The following CADM1 variants were observed in gnomAD, a reference collection of about 807,000 sequenced individuals.
CADM1 encodes the protein cell adhesion molecule 1, also known as TSLC-1.
CADM1 carries 15 observed loss-of-function variants against 53.1 expected under a neutral mutation model. The observed-to-expected ratio is 0.28, with a 90% CI of 0.19 to 0.44. The LOEUF (loss-of-function observed/expected upper bound fraction) is 0.44. Among genes scored for constraint, CADM1 ranks in the 20% least tolerant of loss-of-function variants. The pLI is 1.00. For missense variants in CADM1, 434 were observed against 611.3 expected, an observed-to-expected ratio of 0.71 and a Z score of 3.06; for synonymous variants, 281 against 243.0, an observed-to-expected ratio of 1.16 and a Z score of -1.45.
intron 9 of CADM1, among the ~76,000 whole-genome samples, chr11:115,195,891 A>AT (rs1363727048): frequency 6.6e-6 from 1 of 152,194 alleles, no homozygotes; most frequent in Non-Finnish European, 1.5e-5. Context: ...TGCTACGAGG[A>AT]TTTTGGACAA....
intron 1 of CADM1, chr11:115,241,009 C>T (rs949547039): frequency 1.3e-5 from 2 of 154,132 alleles, no homozygotes; most frequent in Non-Finnish European, 2.9e-5. Context: ...TTACTCTGCT[C>T]TCCGAAACTC....
chr11:115,371,734 G>A (rs1381243591), intron 1 of CADM1, among the ~76,000 whole-genome samples: 3 of 150,492 alleles, frequency 2.0e-5, no homozygotes, highest in Admixed American at 6.6e-5. Flanking sequence ...TGCCTCCCGA[G>A]TTCACGTCAT....
intron 1 of CADM1, among the ~76,000 whole-genome samples, chr11:115,381,549 A>T (rs1169380574): frequency 6.6e-6 from 1 of 152,166 alleles, no homozygotes; most frequent in Non-Finnish European, 1.5e-5. Context: ...ATTTTTACTG[A>T]ACTATTTGAC....
At chr11:115,260,399 G>A (rs912522117) in intron 1 of CADM1, among the ~76,000 whole-genome samples, 2 of 152,230 alleles carry the variant, frequency 1.3e-5, no homozygotes, top group Non-Finnish European at 2.9e-5. Context: ...TTGGTTGTAC[G>A]CTGGATGTAA....
At chr11:115,203,568 A>G (rs1479255875) in intron 8 of CADM1, among the ~76,000 whole-genome samples, 1 of 152,202 alleles carries the variant, frequency 6.6e-6, no homozygotes, top group East Asian at 1.9e-4. Context: ...GGAAACCTGT[A>G]TTCACAGTAT....
intron 1 of CADM1, among the ~76,000 whole-genome samples, chr11:115,326,302 G>A (rs1203143245): frequency 1.3e-5 from 2 of 151,934 alleles, no homozygotes. Flanking sequence ...CCAACCCAAG[G>A]TATTTATATA....
chr11:115,213,817 C>T (rs561802583), intron 7 of CADM1, among the ~76,000 whole-genome samples: 1 of 152,132 alleles, frequency 6.6e-6, no homozygotes, highest in Admixed American at 6.6e-5. Context: ...CAGTTCATGG[C>T]TATTTTTTGG....
At chr11:115,351,785 G>C (rs549115286) in intron 1 of CADM1, among the ~76,000 whole-genome samples, 1 of 152,164 alleles carries the variant, frequency 6.6e-6, no homozygotes, top group African/African-American at 2.4e-5. Flanking sequence ...CTAGGGCATA[G>C]GAGCCCCTCT....
chr11:115,389,901 G>A (rs1165474976), intron 1 of CADM1, among the ~76,000 whole-genome samples: 8 of 152,170 alleles, frequency 5.3e-5, no homozygotes, highest in African/African-American at 1.4e-4. Context: ...CACCTGTTAT[G>A]TAAGTAAATT....
intron 5 of CADM1, among the ~76,000 whole-genome samples, chr11:115,223,085 G>A (rs889725655): frequency 1.3e-5 from 2 of 152,170 alleles, no homozygotes; most frequent in Admixed American, 6.6e-5. Context: ...AAGTGAATGA[G>A]AAAGTGAAGA....
intron 1 of CADM1, among the ~76,000 whole-genome samples, chr11:115,325,729 T>C (rs550646600): frequency 3.3e-5 from 5 of 152,270 alleles, no homozygotes; most frequent in South Asian, 4.2e-4. Flanking sequence ...CCAGGCTCAC[T>C]GGAGTCTAAA....
chr11:115,351,230 T>A (rs1945728387), intron 1 of CADM1, among the ~76,000 whole-genome samples: 1 of 152,228 alleles, frequency 6.6e-6, no homozygotes, highest in Non-Finnish European at 1.5e-5. Flanking sequence ...TCCTGCCACC[T>A]TGTCTGGTCT....
At position 115,391,662 on chromosome 11, in the gene CADM1, G is replaced by C. The variant is rs528893193; in HGVS notation, c.124+112609C>G. Among the ~76,000 whole-genome samples the C allele has an allele frequency of 4.3e-3, 659 of 152,258 alleles. 4 individuals carry two copies. The highest frequency in any genetic ancestry group is 0.015 in the African/African-American group (622 of 41,558). On this transcript the variant is annotated intron_variant, in intron 1 of 11. Coordinates refer to ENST00000331581, the MANE Select transcript of CADM1 (RefSeq NM_001301043.2). ...AAACAAAACAACACTAGCACTTACT[G>C]CAAGACAGATTATTTCTCACCAGGT...
At chr11:115,279,467 G>A (rs1315982949) in intron 1 of CADM1, among the ~76,000 whole-genome samples, 1 of 152,084 alleles carries the variant, frequency 6.6e-6, no homozygotes, top group African/African-American at 2.4e-5. Context: ...TGCTATAATT[G>A]CTTTTCTTTT....
Position 115,284,114 on chromosome 11 carries a change from CTGTGTGTGTGTGTG to C in CADM1, c.125-43708_125-43695del, listed in dbSNP as rs751286330. Among the ~76,000 whole-genome samples, 109 of 98,680 alleles carry C rather than the reference CTGTGTGTGTGTGTG, an allele frequency of 1.1e-3. 1 individual carries two copies. The East Asian group carries it at 0.015, about 14-fold the overall frequency. 64.7% of individuals were successfully genotyped at this position (98,680 alleles called of 152,430 possible). ...TCTCTCTCTCTCTCTCTCTCTCTCT[CTGTGTGTGTGTGTG>C]TGTGTGTGTGTGTGTGTGTGTGTGT... On this transcript the variant is annotated intron_variant, in intron 1 of 11. Transcript: ENST00000331581.
chr11:115,472,923 T>C (rs1233676797), intron 1 of CADM1, among the ~76,000 whole-genome samples: 1 of 152,208 alleles, frequency 6.6e-6, no homozygotes, highest in Admixed American at 6.5e-5. Context: ...TTTTCTGTGA[T>C]CTACTTGTCA....
chr11:115,467,173 A>G (rs2135384286), intron 1 of CADM1, among the ~76,000 whole-genome samples: 1 of 152,324 alleles, frequency 6.6e-6, no homozygotes, highest in Admixed American at 6.5e-5. Context: ...CATGATATGC[A>G]CAAGACGTCT....
chr11:115,283,893 C>T (rs1943650889), intron 1 of CADM1, among the ~76,000 whole-genome samples: 1 of 152,304 alleles, frequency 6.6e-6, no homozygotes, highest in African/African-American at 2.4e-5. Flanking sequence ...GGCTTGCCCA[C>T]CTTGTTCAGC....
intron 1 of CADM1, among the ~76,000 whole-genome samples, chr11:115,289,525 TCACTCAA>T (rs1256812349): frequency 2.0e-5 from 3 of 151,954 alleles, no homozygotes; most frequent in Admixed American, 6.6e-5. Context: ...AATATGGTAG[TCACTCAA>T]CATATGGGAG....
Sources: gnomAD v4.1 joint callset for allele counts (sites outside exome capture counted in the v4.1 genomes callset) on GRCh38, gnomAD v4.1.1 for gene constraint, MANE v1.5 for transcripts, NCBI Gene and HGNC (gene_info 2026-07-23, HGNC 2026-07-21) for gene names.